Variants in PTBP3 observed in about 807,000 individuals in gnomAD.
PTBP3 encodes polypyrimidine tract binding protein 3.
A neutral mutation model predicts 58.7 loss-of-function variants in PTBP3; 20 were observed. The ratio of observed to expected loss-of-function variants is 0.34; its 90% CI spans 0.24 to 0.50. The LOEUF is 0.50. Among genes scored for constraint, PTBP3 ranks in the 20% least tolerant of loss-of-function variants. The probability of loss-of-function intolerance (pLI) is 0.98; values close to 1 mark genes in which losing one functional copy is unlikely to be tolerated. For synonymous variants in PTBP3, 185 were observed against 219.8 expected, an observed-to-expected ratio of 0.84 and a Z score of 1.40; for missense variants, 509 against 637.2, an observed-to-expected ratio of 0.80 and a Z score of 2.17.
chr9:112,297,905 A>G lies in PTBP3; in HGVS notation c.-40T>C. The G allele has an allele frequency of 6.2e-7, 1 of 1,613,066 alleles. No homozygotes were observed. The highest frequency in any genetic ancestry group is 1.7e-4 in the Middle Eastern group (1 of 6,056). Reference sequence around the variant, plus strand: ...TAATGATGCCAGAAGAAAGAAGCTCATCAGATCCCCGCTGAAAAGCAAAAC... The same window carrying G: ...TAATGATGCCAGAAGAAAGAAGCTCGTCAGATCCCCGCTGAAAAGCAAAAC... On this transcript the variant is annotated 5_prime_UTR_variant, in exon 2 of 14. It removes an upstream start codon present in the reference 5' UTR. Coordinates refer to ENST00000374257, the MANE Select transcript of PTBP3 (RefSeq NM_001163788.4).
chr9:112,306,822 G>A (rs942891442), intron 1 of PTBP3, among the ~76,000 whole-genome samples: 1 of 151,906 alleles, frequency 6.6e-6, no homozygotes, highest in Non-Finnish European at 1.5e-5. Flanking sequence ...TGCCATGTTG[G>A]TCAGGCTGGT....
chr9:112,344,368 A>C, the PTBP3 span, among the ~76,000 whole-genome samples: 397 of 152,294 alleles, frequency 2.6e-3, 8 homozygotes, highest in Admixed American at 0.024. Context: ...GCCAATTAAT[A>C]CTCAAGAATC....
chr9:112,287,302 A>T (rs545242844), intron 2 of PTBP3, among the ~76,000 whole-genome samples: 1 of 148,570 alleles, frequency 6.7e-6, no homozygotes, highest in Non-Finnish European at 1.5e-5. Flanking sequence ...TTTTGTCCAG[A>T]AGTTACTAAG....
chr9:112,378,802 A>G, the PTBP3 span, among the ~76,000 whole-genome samples: 142 of 152,338 alleles, frequency 9.3e-4, no homozygotes, highest in African/African-American at 3.2e-3. Flanking sequence ...TGGAGCCTCT[A>G]AAGACCGTAT....
chr9:112,356,789 C>A, the PTBP3 span, among the ~76,000 whole-genome samples: 1 of 39,654 alleles, frequency 2.5e-5, no homozygotes, highest in Non-Finnish European at 4.7e-5. Flanking sequence ...GAGACAATTG[C>A]GTGTGCGCAC....
At chr9:112,233,238 C>A (rs1835311235) in intron 8 of PTBP3, among the ~76,000 whole-genome samples, 1 of 150,386 alleles carries the variant, frequency 6.6e-6, no homozygotes, top group Non-Finnish European at 1.5e-5. Flanking sequence ...GTCTGTTATT[C>A]ATGAGCTAAG....
At chr9:112,339,290 C>CAAAAAAAAAAAAAAAAAAAAAA in the PTBP3 span, among the ~76,000 whole-genome samples, 1 of 71,714 alleles carries the variant, frequency 1.4e-5, no homozygotes, top group African/African-American at 5.0e-5. Flanking sequence ...GACTCTGTCT[C>CAAAAAAAAAAAAAAAAAAAAAA]AAAAAAAAAA....
chr9:112,312,775 G>A (rs1178546906), intron 1 of PTBP3, among the ~76,000 whole-genome samples: 2 of 152,102 alleles, frequency 1.3e-5, no homozygotes, highest in Non-Finnish European at 2.9e-5. Flanking sequence ...CGGGCACAGT[G>A]GCTCATGCAT....
Position 112,297,894 on chromosome 9 carries a change from G to T in PTBP3, c.-29C>A. The T allele has an allele frequency of 6.2e-7, 1 of 1,612,426 alleles. No homozygotes were observed. The highest frequency in any genetic ancestry group is 1.3e-5 in the African/African-American group (1 of 74,810). On this transcript the variant is annotated 5_prime_UTR_variant, in exon 2 of 14. Coordinates refer to ENST00000374257, the MANE Select transcript of PTBP3 (RefSeq NM_001163788.4). The stretch of plus-strand genomic sequence containing the variant: ...AAAAGGTCCGTTAATGATGCCAGAA[G>T]AAAGAAGCTCATCAGATCCCCGCTG...
At chr9:112,325,955 C>CT (rs1830139697) in intron 1 of PTBP3, among the ~76,000 whole-genome samples, 1 of 152,146 alleles carries the variant, frequency 6.6e-6, no homozygotes, top group Admixed American at 6.6e-5. Context: ...GAAGTTGAGA[C>CT]TGAGGTAAGC....
the PTBP3 span, among the ~76,000 whole-genome samples, chr9:112,343,460 C>T: frequency 6.6e-6 from 1 of 152,062 alleles, no homozygotes; most frequent in African/African-American, 2.4e-5. Flanking sequence ...TGGTATTATC[C>T]AACTTTAAAA....
intron 1 of PTBP3, among the ~76,000 whole-genome samples, chr9:112,322,521 G>C (rs1829997924): frequency 1.3e-5 from 2 of 152,218 alleles, no homozygotes; most frequent in African/African-American, 4.8e-5. Context: ...GCAAGGCTCA[G>C]ACTCTAGAAG....
At chr9:112,256,209 G>A (rs762305885) in intron 5 of PTBP3, among the ~76,000 whole-genome samples, 4 of 149,058 alleles carry the variant, frequency 2.7e-5, no homozygotes, top group African/African-American at 9.8e-5. Flanking sequence ...AGCTGAAATC[G>A]GGCCATTGCA....
At chr9:112,359,312 T>C in the PTBP3 span, among the ~76,000 whole-genome samples, 9 of 151,402 alleles carry the variant, frequency 5.9e-5, no homozygotes, top group Non-Finnish European at 1.0e-4. Flanking sequence ...CCGGGTATGA[T>C]GGCGGGAACC....
intron 3 of PTBP3, among the ~76,000 whole-genome samples, chr9:112,273,592 G>A (rs922698497): frequency 6.6e-6 from 1 of 152,134 alleles, no homozygotes; most frequent in Non-Finnish European, 1.5e-5. Context: ...ATACAGAACC[G>A]AAAATTTCAT....
intron 12 of PTBP3, among the ~76,000 whole-genome samples, chr9:112,226,507 T>C (rs1416197574): frequency 6.6e-6 from 1 of 152,212 alleles, no homozygotes; most frequent in African/African-American, 2.4e-5. Context: ...TATACAAAAC[T>C]GCCATTTTTT....
the PTBP3 span, among the ~76,000 whole-genome samples, chr9:112,348,732 C>A: frequency 6.6e-6 from 1 of 152,244 alleles, no homozygotes; most frequent in East Asian, 1.9e-4. Flanking sequence ...AAACTTGCCT[C>A]CGTCTCTCCC....
At chr9:112,352,417 G>A in the PTBP3 span, among the ~76,000 whole-genome samples, 1 of 152,144 alleles carries the variant, frequency 6.6e-6, no homozygotes, top group South Asian at 2.1e-4. Context: ...ACGGTTGCAG[G>A]TCTGCCTTGC....
intron 2 of PTBP3, among the ~76,000 whole-genome samples, chr9:112,279,521 C>T (rs1386909220): frequency 6.6e-6 from 1 of 151,962 alleles, no homozygotes; most frequent in Non-Finnish European, 1.5e-5. Flanking sequence ...ATAAGACATC[C>T]ACCCACATTT....
Sources: gnomAD v4.1 joint callset for allele counts (sites outside exome capture counted in the v4.1 genomes callset) on GRCh38, gnomAD v4.1.1 for gene constraint, MANE v1.5 for transcripts, NCBI Gene and HGNC (gene_info 2026-07-23, HGNC 2026-07-21) for gene names.